The following TRPM8 variants were observed in gnomAD, a reference collection of about 807,000 sequenced individuals.
TRPM8 encodes the protein transient receptor potential cation channel subfamily M member 8.
Under a neutral mutation model 133.7 loss-of-function variants are expected in TRPM8, and 110 were observed. The observed-to-expected ratio is 0.82, with a 90% CI of 0.70 to 0.96. TRPM8 has a LOEUF of 0.96. TRPM8 is among the 40% of genes least tolerant of loss of function. The pLI is 0.00. For synonymous variants in TRPM8, 535 were observed against 532.3 expected, an observed-to-expected ratio of 1.01 and a Z score of -0.07; for missense variants, 1,291 against 1,379.5, an observed-to-expected ratio of 0.94 and a Z score of 1.02.
chr2:233,980,422 A>C, intron 18 of TRPM8, 143 bp downstream of exon 18: 1 of 546,202 alleles, frequency 1.8e-6, no homozygotes, highest in East Asian at 3.3e-5. Flanking sequence ...CTTTATAGAG[A>C]TACACCTTGG....
At chr2:234,016,431 T>G (rs2190951) in intron 25 of TRPM8, among the ~76,000 whole-genome samples, 1 of 152,018 alleles carries the variant, frequency 6.6e-6, no homozygotes, top group Non-Finnish European at 1.5e-5. Context: ...TTATAGGCAA[T>G]CAGCTAGGTA....
intron 2 of TRPM8, among the ~76,000 whole-genome samples, chr2:233,930,281 T>A (rs1350961166): frequency 6.6e-6 from 1 of 152,246 alleles, no homozygotes; most frequent in African/African-American, 2.4e-5. Context: ...TTTTGGAATA[T>A]GTCTTCTTTT....
chr2:233,953,900 T>A lies in TRPM8; in HGVS notation c.1141-17T>A, dbSNP rs1347705608. On this transcript the variant is annotated splice_polypyrimidine_tract_variant and intron_variant, in intron 9 of 25. Coordinates refer to ENST00000324695, the MANE Select transcript of TRPM8 (RefSeq NM_024080.5). ...CTAAAATCTGTTGGCTGACACTTTGTTCTTTAATTTCGCCAGCTCAAAGAA... is the reference window on the plus strand; with the variant it reads ...CTAAAATCTGTTGGCTGACACTTTGATCTTTAATTTCGCCAGCTCAAAGAA... 6.2e-7 allele frequency: 1 copy of A among 1,600,938 alleles called. No homozygotes were observed.
At chr2:233,962,431 G>A (rs1405938497) in intron 12 of TRPM8, among the ~76,000 whole-genome samples, 1 of 152,096 alleles carries the variant, frequency 6.6e-6, no homozygotes, top group African/African-American at 2.4e-5. Flanking sequence ...GTTCCCTTTT[G>A]TTCTGGTATC....
At chr2:233,991,077 TGTTG>T (rs1393240185) in intron 21 of TRPM8, among the ~76,000 whole-genome samples, 4 of 151,768 alleles carry the variant, frequency 2.6e-5, no homozygotes, top group Admixed American at 2.6e-4. Flanking sequence ...GAGCCCCAAG[TGTTG>T]GTAGGAGAGG....
At chr2:233,922,921 T>G (rs1351917595) in intron 1 of TRPM8, among the ~76,000 whole-genome samples, 2 of 152,210 alleles carry the variant, frequency 1.3e-5, no homozygotes, top group East Asian at 3.8e-4. Context: ...CAGGCTGCAG[T>G]GCAGTGGCAC....
At chr2:233,938,084 C>T (rs575429250) in intron 4 of TRPM8, among the ~76,000 whole-genome samples, 6 of 152,296 alleles carry the variant, frequency 3.9e-5, no homozygotes, top group Admixed American at 1.3e-4. Flanking sequence ...GGGAGGTGAC[C>T]CAGCCCCATC....
intron 9 of TRPM8, 200 bp from the exon 10 acceptor site, chr2:233,953,717 A>G (rs768273839): frequency 8.1e-5 from 35 of 431,346 alleles, no homozygotes; most frequent in Non-Finnish European, 1.3e-4. Flanking sequence ...CAGCTTTTTG[A>G]TAGGGGCTTT....
chr2:233,958,969 C>T (rs1559528837), intron 11 of TRPM8, among the ~76,000 whole-genome samples: 1 of 150,840 alleles, frequency 6.6e-6, no homozygotes, highest in Non-Finnish European at 1.5e-5. Context: ...TGCCCCTTGG[C>T]TCCCACTGAT....
In TRPM8 at chr2:233,945,950, A is replaced by G; in HGVS notation, c.794A>G (p.Asn265Ser). 6.2e-7 allele frequency: 1 copy of G among 1,614,162 alleles called. No individual in the cohort carries two copies. The highest frequency in any genetic ancestry group is 8.5e-7 in the Non-Finnish European group (1 of 1,180,004). ...NNHTHLLLVD[N>S]GCHGHPTVEA... ...CACACACATTTGCTGCTCGTGGACA[A>G]TGGCTGTCATGGACATCCCACTGTC... Residue 265 changes from asparagine (N) to serine (S), a missense_variant, in exon 7 of 26, where the codon AAT becomes AGT. Transcript: ENST00000324695.
chr2:233,965,936 C>T (rs977330362), intron 14 of TRPM8: 1 of 151,932 alleles, frequency 6.6e-6, no homozygotes, highest in Admixed American at 6.6e-5. Flanking sequence ...GCAAGCTCCG[C>T]CTCCTGGGTT....
chr2:234,002,275 C>T (rs933771870), intron 22 of TRPM8, among the ~76,000 whole-genome samples: 2 of 151,926 alleles, frequency 1.3e-5, no homozygotes, highest in Non-Finnish European at 1.5e-5. Context: ...GGAGAGAAGA[C>T]CTCAGGACTG....
At chr2:233,935,378 C>G (rs1292195071) in intron 3 of TRPM8, among the ~76,000 whole-genome samples, 1 of 152,198 alleles carries the variant, frequency 6.6e-6, no homozygotes, top group Non-Finnish European at 1.5e-5. Flanking sequence ...TTATCTGACC[C>G]TGCATCCTGG....
intron 2 of TRPM8, among the ~76,000 whole-genome samples, chr2:233,926,954 G>T (rs1176163357): frequency 2.0e-5 from 3 of 152,090 alleles, no homozygotes; most frequent in Non-Finnish European, 4.4e-5. Context: ...GCTGCCTTCA[G>T]GACACAGACG....
chr2:233,982,794 G>A lies in TRPM8; in HGVS notation c.2590-259G>A, dbSNP rs572305921. On this transcript the variant is annotated intron_variant, in intron 19 of 25. Transcript: ENST00000324695. ...CTAGAGCTGGGCTCCCACTCAGAAA[G>A]CTGCTGTTGCTGGGCTGGTTTGGAC... Among the ~76,000 whole-genome samples, 6 of 152,266 alleles carry A rather than the reference G, an allele frequency of 3.9e-5. No homozygotes were observed. The South Asian group carries it at 1.2e-3, about 32-fold the overall frequency.
Position 234,008,187 on chromosome 2 carries a change from A to G in TRPM8, c.3264+84A>G, listed in dbSNP as rs6734618. 925,566 of 1,351,654 alleles carry G rather than the reference A, an allele frequency of 0.68. 319,479 individuals carry two copies. Among genetic ancestry groups the G allele is most frequent in the African/African-American group, 0.83 (55,606 of 67,302 alleles). The allele number at this position is 1,351,654 out of a possible 1,614,324, so 83.7% of individuals were successfully genotyped here. On this transcript the variant is annotated intron_variant, in intron 24 of 25. Transcript: ENST00000324695. ...TTTCAGCTAGAGGCCAGTAGTTGTG[A>G]TAATAAAAGAAGTTATATTCAGCTT... is the stretch of plus-strand genomic sequence containing the variant.
rs1330990798 is a variant in TRPM8 at position 233,927,936 on chromosome 2, C to CTT, written c.117+1283_117+1284insTT. On this transcript the variant is annotated intron_variant, in intron 2 of 25. Coordinates refer to ENST00000324695, the MANE Select transcript of TRPM8 (RefSeq NM_024080.5). Reference sequence around the variant, plus strand: ...TCTCTCTCTCTCTTTCTCTCTCTCTCTCTCTCTCTCTCTCTCTCTCTCTCT... The same window carrying CTT: ...TCTCTCTCTCTCTTTCTCTCTCTCTCTTTCTCTCTCTCTCTCTCTCTCTCTCT... 8.4e-3 allele frequency among the ~76,000 whole-genome samples: 468 copies of CTT among 55,694 alleles called. 35 individuals carry two copies. The highest frequency in any genetic ancestry group is 0.079 in the African/African-American group (431 of 5,490). The allele number at this position is 55,694 out of a possible 152,430, so 36.5% of individuals were successfully genotyped here.
intron 3 of TRPM8, among the ~76,000 whole-genome samples, chr2:233,936,513 C>T (rs992678899): frequency 3.3e-5 from 5 of 152,202 alleles, no homozygotes; most frequent in African/African-American, 1.2e-4. Flanking sequence ...CAGCTAATGT[C>T]CAATAAGGAA....
intron 10 of TRPM8, 53 bp downstream of exon 10, chr2:233,954,072 C>A: frequency 8.0e-7 from 1 of 1,243,150 alleles, no homozygotes; most frequent in South Asian, 1.4e-5. Flanking sequence ...CCTTCTGTGG[C>A]TTTTCATGAC....
Sources: allele counts gnomAD v4.1 joint callset (sites outside exome capture counted in the v4.1 genomes callset), GRCh38; gene constraint gnomAD v4.1.1; transcripts MANE v1.5; gene names NCBI Gene and HGNC (gene_info 2026-07-23, HGNC 2026-07-21).